The following GTF2IRD1 variants were observed in gnomAD, a reference collection of about 807,000 sequenced individuals.
GTF2IRD1 encodes general transcription factor II-I repeat domain-containing protein 1.
GTF2IRD1 carries 26 observed loss-of-function variants against 113.2 expected under a neutral mutation model. That is an observed-to-expected ratio of 0.23 (90% CI 0.17 to 0.32). The LOEUF (loss-of-function observed/expected upper bound fraction) is 0.32, where lower values mean the gene tolerates loss of function less well. GTF2IRD1 is among the 10% of genes least tolerant of loss of function. GTF2IRD1 has a pLI of 1.00. For missense variants in GTF2IRD1, 864 were observed against 1,280.8 expected (o/e 0.67, Z 4.97); for synonymous variants, 484 against 529.1 (o/e 0.91, Z 1.17).
intron 9 of GTF2IRD1, among the ~76,000 whole-genome samples, chr7:74,533,924 G>C (rs1258345932): frequency 6.6e-6 from 1 of 152,076 alleles, no homozygotes; most frequent in Non-Finnish European, 1.5e-5. Context: ...AGCTACTTGG[G>C]AGGTTGAGGT....
chr7:74,473,822 A>G (rs1455413717), intron 1 of GTF2IRD1, among the ~76,000 whole-genome samples: 3 of 152,048 alleles, frequency 2.0e-5, no homozygotes, highest in Non-Finnish European at 4.4e-5. Context: ...TCAGAAAACG[A>G]TATCTTCAGC....
intron 13 of GTF2IRD1, 44 bp from the exon 14 acceptor site, chr7:74,539,835 T>C (rs1489513461): frequency 1.4e-6 from 2 of 1,380,214 alleles, no homozygotes; most frequent in East Asian, 2.3e-5. Flanking sequence ...GACAGGAGTA[T>C]GACAGGCAGA....
intron 7 of GTF2IRD1, among the ~76,000 whole-genome samples, chr7:74,522,777 A>G (rs1316155923): frequency 1.3e-5 from 2 of 152,332 alleles, no homozygotes; most frequent in South Asian, 2.1e-4. Flanking sequence ...CAGTTTTCCT[A>G]TCTGCAAAAT....
intron 1 of GTF2IRD1, among the ~76,000 whole-genome samples, chr7:74,475,222 T>C (rs1794332741): frequency 6.6e-6 from 1 of 152,150 alleles, no homozygotes; most frequent in South Asian, 2.1e-4. Flanking sequence ...GCCATTGCGA[T>C]CATAGGCTGG....
At chr7:74,523,992 G>A (rs1354698870) in intron 7 of GTF2IRD1, 79 bp from the exon 8 acceptor site, 3 of 1,001,604 alleles carry the variant, frequency 3.0e-6, no homozygotes, top group East Asian at 2.5e-5. Flanking sequence ...GGGGGTGAAA[G>A]CCCGGTGGTC....
chr7:74,501,435 G>C (rs1417232491), intron 1 of GTF2IRD1, among the ~76,000 whole-genome samples: 4 of 152,332 alleles, frequency 2.6e-5, no homozygotes, highest in South Asian at 2.1e-4. Context: ...AAACAGCCCT[G>C]TGACTCCTTC....
chr7:74,478,101 C>T (rs563486809), intron 1 of GTF2IRD1, among the ~76,000 whole-genome samples: 2 of 152,318 alleles, frequency 1.3e-5, no homozygotes, highest in African/African-American at 2.4e-5. Context: ...GATAAGCCTC[C>T]GGGGCTCAGC....
chr7:74,557,824 C>A, intron 20 of GTF2IRD1, 102 bp downstream of exon 20: 1 of 691,216 alleles, frequency 1.4e-6, no homozygotes, highest in Non-Finnish European at 2.6e-6. Flanking sequence ...GGAAACAATT[C>A]ACCCCTTTAC....
intron 22 of GTF2IRD1, among the ~76,000 whole-genome samples, chr7:74,562,000 C>G (rs1159068768): frequency 6.6e-6 from 1 of 152,122 alleles, no homozygotes; most frequent in Non-Finnish European, 1.5e-5. Context: ...CGTTGGCACC[C>G]AAGCCAGGTA....
At chr7:74,569,033 C>T (rs1431315549) in intron 22 of GTF2IRD1, among the ~76,000 whole-genome samples, 1 of 152,032 alleles carries the variant, frequency 6.6e-6, no homozygotes, top group East Asian at 1.9e-4. Context: ...TTTCTGCAGC[C>T]GAGGTGAGAC....
intron 23 of GTF2IRD1, 42 bp downstream of exon 23, chr7:74,589,970 C>T: frequency 7.4e-7 from 1 of 1,354,552 alleles, no homozygotes; most frequent in East Asian, 2.3e-5. Flanking sequence ...AGCCCTCCTC[C>T]CGGGGGTGGT....
chr7:74,566,253 C>T (rs2130832291), intron 22 of GTF2IRD1, among the ~76,000 whole-genome samples: 1 of 152,254 alleles, frequency 6.6e-6, no homozygotes, highest in African/African-American at 2.4e-5. Flanking sequence ...AGCTCTGTTC[C>T]CTCTTCAGGC....
At chr7:74,539,728 A>T (rs1186165383) in intron 13 of GTF2IRD1, 151 bp from the exon 14 acceptor site, 12 of 557,584 alleles carry the variant, frequency 2.2e-5, no homozygotes, top group Non-Finnish European at 3.6e-5. Context: ...TGGACGACAG[A>T]GTGAGACTCC....
intron 13 of GTF2IRD1, 117 bp from the exon 14 acceptor site, chr7:74,539,762 A>T: frequency 3.2e-6 from 2 of 625,364 alleles, no homozygotes; most frequent in Non-Finnish European, 5.6e-6. Context: ...AAAAAAAAAG[A>T]GACAGAAAGA....
At chr7:74,591,826 C>T (rs587618846) in intron 24 of GTF2IRD1, among the ~76,000 whole-genome samples, 1 of 151,624 alleles carries the variant, frequency 6.6e-6, no homozygotes, top group Non-Finnish European at 1.5e-5. Context: ...CACTGTATTG[C>T]CCAGGCTGGT....
intron 15 of GTF2IRD1, 111 bp from the exon 16 acceptor site, chr7:74,545,633 T>A: frequency 1.3e-6 from 1 of 788,864 alleles, no homozygotes; most frequent in Non-Finnish European, 2.3e-6. Flanking sequence ...GCCCCAGCCT[T>A]CCCCCATTCC....
intron 24 of GTF2IRD1, among the ~76,000 whole-genome samples, chr7:74,593,871 T>C (rs1237640419): frequency 6.7e-6 from 1 of 149,876 alleles, no homozygotes; most frequent in African/African-American, 2.5e-5. Context: ...ACCACTGCAC[T>C]CCAGCCTGGG....
intron 1 of GTF2IRD1, among the ~76,000 whole-genome samples, chr7:74,496,494 T>G (rs1367216389): frequency 3.0e-4 from 45 of 148,060 alleles, no homozygotes; most frequent in African/African-American, 1.0e-3. Context: ...TATGTGTGTG[T>G]GTGTGTGTTC....
chr7:74,470,637 A>G (rs1554332086), intron 1 of GTF2IRD1, among the ~76,000 whole-genome samples: 1 of 152,226 alleles, frequency 6.6e-6, no homozygotes, highest in East Asian at 1.9e-4. Flanking sequence ...CAGATGTCAG[A>G]CTGCCCAGTG....
Sources: allele counts gnomAD v4.1 joint callset (sites outside exome capture counted in the v4.1 genomes callset), GRCh38; gene constraint gnomAD v4.1.1; transcripts MANE v1.5; gene names NCBI Gene and HGNC (gene_info 2026-07-23, HGNC 2026-07-21).